The following MTA3 variants were observed in gnomAD, a reference collection of about 807,000 sequenced individuals.
The protein encoded by MTA3 is metastasis associated 1 family member 3, also known as metastasis-associated protein MTA3.
In MTA3, 34 loss-of-function variants were observed where a neutral mutation model predicts 83.5. The ratio of observed to expected loss-of-function variants is 0.41; its 90% CI spans 0.31 to 0.54. The LOEUF (loss-of-function observed/expected upper bound fraction) is 0.54. MTA3 is among the 20% of genes least tolerant of loss of function. MTA3 has a pLI of 0.33. For missense variants in MTA3, 761 were observed against 726.4 expected, an observed-to-expected ratio of 1.05 and a Z score of -0.55; for synonymous variants, 303 against 252.7, an observed-to-expected ratio of 1.20 and a Z score of -1.89.
chr2:42,743,277 G>A (rs944239780), intron 16 of MTA3, among the ~76,000 whole-genome samples: 1 of 152,220 alleles, frequency 6.6e-6, no homozygotes, highest in Non-Finnish European at 1.5e-5. Flanking sequence ...CAGGGACAAG[G>A]CGATTGCCTG....
intron 2 of MTA3, among the ~76,000 whole-genome samples, chr2:42,549,312 TATATA>T (rs1387656804): frequency 8.9e-6 from 1 of 112,448 alleles, no homozygotes; most frequent in African/African-American, 3.4e-5. Flanking sequence ...ACGTATATAA[TATATA>T]ATATATTATA....
chr2:42,719,463 A>G (rs992738676), intron 15 of MTA3, among the ~76,000 whole-genome samples: 2 of 152,228 alleles, frequency 1.3e-5, no homozygotes, highest in South Asian at 4.1e-4. Context: ...TTTAAATAGA[A>G]GATTTATTTA....
rs35602598 is a variant in MTA3, at chr2:42,701,291, C to CAAAA, written c.1026-2885_1026-2882dup. Among the ~76,000 whole-genome samples the CAAAA allele has an allele frequency of 6.4e-3, 447 of 69,746 alleles. 10 individuals are homozygous for CAAAA. The highest frequency in any genetic ancestry group is 0.027 in the African/African-American group (421 of 15,504). The allele number at this position is 69,746 out of a possible 152,430, so 45.8% of individuals were successfully genotyped here. A position where few individuals can be genotyped will look rare whatever the true frequency, so the allele number is the denominator to read the frequency against. The stretch of plus-strand genomic sequence containing the variant: ...CACTCCAGCCTGGGTGACCCTGCCT[C>CAAAA]AAAAAAAAAAAAAAAAAAAAATTAA... On this transcript the variant is annotated intron_variant, in intron 11 of 16. Transcript: ENST00000405094.
In MTA3 at chr2:42,656,295, G is replaced by T. The variant is rs778557658; in HGVS notation, c.595G>T (p.Val199Leu). 1.2e-6 allele frequency: 2 copies of T among 1,610,794 alleles called. No individual in the cohort carries two copies. Among genetic ancestry groups the T allele is most frequent in the Non-Finnish European group, 1.7e-6 (2 of 1,177,312 alleles). The change falls in exon 7 of 17, where the codon GTA (valine) becomes TTA (leucine). Residue 199 changes from valine to leucine, a missense_variant. Coordinates refer to ENST00000405094, the MANE Select transcript of MTA3 (RefSeq NM_001330442.2). ...TDRQIDQFLV[V>L]ARAVGTFARA... Reference sequence around the variant, plus strand: ...TCGACAGATTGACCAGTTTTTAGTTGTAGCACGGTGAGTATGAGTATGGCA... The same window carrying T: ...TCGACAGATTGACCAGTTTTTAGTTTTAGCACGGTGAGTATGAGTATGGCA...
chr2:42,687,387 C>T (rs893176299), intron 9 of MTA3, among the ~76,000 whole-genome samples: 7 of 152,064 alleles, frequency 4.6e-5, no homozygotes, highest in Admixed American at 1.3e-4. Context: ...ATATATCAGT[C>T]GTTCATTTTC....
At chr2:42,585,673 C>T (rs1026066574) in intron 3 of MTA3, among the ~76,000 whole-genome samples, 2 of 151,710 alleles carry the variant, frequency 1.3e-5, no homozygotes, top group Non-Finnish European at 2.9e-5. Context: ...CGGGTTTCAC[C>T]GTGTTGGCCA....
Position 42,704,286 on chromosome 2 carries a change from C to A in MTA3, c.1118C>A (p.Pro373His). ...GGGACCACGTTCCAGCCTCAGAATC[C>A]TCTCTTAGGGAGAGCCTGTGAGAGC... Reference protein sequence around the residue: ...AVGTTFQPQNPLLGRACESCY... With the variant: ...AVGTTFQPQNHLLGRACESCY... Residue 373 changes from proline (P) to histidine (H), a missense_variant, in exon 12 of 17, where the codon CCT becomes CAT. Pro to His is a moderately conservative substitution (Grantham distance 77, BLOSUM62 -2). Transcript: ENST00000405094. 6.2e-7 allele frequency: 1 copy of A among 1,613,972 alleles called. No individual in the cohort carries two copies. Among genetic ancestry groups the A allele is most frequent in the Non-Finnish European group, 8.5e-7 (1 of 1,179,864 alleles).
chr2:42,574,057 C>G (rs570548951), intron 2 of MTA3, among the ~76,000 whole-genome samples: 1 of 150,044 alleles, frequency 6.7e-6, no homozygotes, highest in Non-Finnish European at 1.5e-5. Context: ...AGGATGGTCT[C>G]GATCTCCTGA....
chr2:42,677,427 C>T (rs6739714), intron 8 of MTA3, among the ~76,000 whole-genome samples: 116,164 of 151,898 alleles, frequency 0.76, 44,998 homozygotes, highest in African/African-American at 0.88. Flanking sequence ...ACTGCAACTT[C>T]CGCCTCCTGG....
chr2:42,604,836 C>A (rs1431018665), intron 3 of MTA3, among the ~76,000 whole-genome samples: 2 of 149,290 alleles, frequency 1.3e-5, no homozygotes. Flanking sequence ...ACATATTGCA[C>A]CGCCCTTAAT....
At chr2:42,539,577 C>CCT (rs1676427787) in intron 2 of MTA3, among the ~76,000 whole-genome samples, 1 of 96,652 alleles carries the variant, frequency 1.0e-5, no homozygotes, top group Admixed American at 1.2e-4. Flanking sequence ...AATTGTAAAG[C>CCT]TTTTTTTTTT....
chr2:42,588,634 AAG>A (rs1340908924), intron 3 of MTA3, among the ~76,000 whole-genome samples: 2 of 152,254 alleles, frequency 1.3e-5, no homozygotes, highest in South Asian at 4.1e-4. Flanking sequence ...GCAAAGTAAA[AAG>A]GTTTTACTGA....
At position 42,581,833 on chromosome 2, in the gene MTA3, C is replaced by G. The variant is rs1026309079; in HGVS notation, c.190+2633C>G. The G allele has an allele frequency of 6.7e-5, 16 of 239,356 alleles. No homozygotes were observed. The Admixed American group carries it at 8.3e-4, about 12-fold the overall frequency. 14.8% of individuals were successfully genotyped at this position (239,356 alleles called of 1,614,324 possible). The stretch of plus-strand genomic sequence containing the variant: ...CCAGGCTGGAGTGCAATGGCACGAT[C>G]TCGGCTCACTGCAACCTCCACCTCC... On this transcript the variant is annotated intron_variant, in intron 3 of 16. Coordinates refer to ENST00000405094, the MANE Select transcript of MTA3 (RefSeq NM_001330442.2).
Position 42,754,790 on chromosome 2 carries a change from C to G in MTA3, c.*1391C>G, listed in dbSNP as rs571292349. ...AATTGAATTGACACCCTGGGAAGCA[C>G]GAGGTAACTTGGTAAGGATAATGAT... is the stretch of plus-strand genomic sequence containing the variant. On this transcript the variant is annotated 3_prime_UTR_variant, in exon 17 of 17. Transcript: ENST00000405094. 8.1e-6 allele frequency: 8 copies of G among 985,346 alleles called. No homozygotes were observed. The African/African-American group carries it at 1.4e-4, about 17-fold the overall frequency. The allele number at this position is 985,346 out of a possible 1,614,324, so 61.0% of individuals were successfully genotyped here. A position where few individuals can be genotyped will look rare whatever the true frequency, so the allele number is the denominator to read the frequency against.
intron 2 of MTA3, among the ~76,000 whole-genome samples, chr2:42,527,581 A>C (rs1675774078): frequency 6.6e-6 from 1 of 152,190 alleles, no homozygotes; most frequent in African/African-American, 2.4e-5. Flanking sequence ...AAGCAAATAC[A>C]GACATTTATC....
At position 42,704,444 on chromosome 2, in the gene MTA3, T is replaced by G. The variant is rs1665889253; in HGVS notation, c.1150+126T>G. 12 of 1,078,778 alleles carry G rather than the reference T, an allele frequency of 1.1e-5. No individual in the cohort carries two copies. The South Asian group carries it at 2.0e-4, about 18-fold the overall frequency. The allele number at this position is 1,078,778 out of a possible 1,614,324, so 66.8% of individuals were successfully genotyped here. A position where few individuals can be genotyped will look rare whatever the true frequency, so the allele number is the denominator to read the frequency against. On this transcript the variant is annotated intron_variant, in intron 12 of 16. Coordinates refer to ENST00000405094, the MANE Select transcript of MTA3 (RefSeq NM_001330442.2). ...AAGGCACAAGCATGTCTCCTCTAAA[T>G]GAGTAGATGCCCCTCCTTACCTTCT...
At chr2:42,605,925 G>A (rs1372228404) in intron 3 of MTA3, among the ~76,000 whole-genome samples, 15 of 70,646 alleles carry the variant, frequency 2.1e-4, no homozygotes, top group East Asian at 9.1e-4. Context: ...CCGGGCAGAG[G>A]CGCCCCTCAC....
intron 2 of MTA3, chr2:42,533,520 C>CTTTTTTTTTTTTTTTTTTTTTTTTTT (rs763768263): frequency 7.8e-6 from 1 of 128,604 alleles, no homozygotes; most frequent in Non-Finnish European, 1.6e-5. Flanking sequence ...CTTTTCTTTT[C>CTTTTTTTTTTTTTTTTTTTTTTTTTT]TTTTTTTTTT....
chr2:42,532,751 TA>T, intron 2 of MTA3: 4 of 235,082 alleles, frequency 1.7e-5, no homozygotes, highest in East Asian at 1.1e-4. Flanking sequence ...TTTTTTTTTT[TA>T]AACACCTATT....
Sources: gnomAD v4.1 joint callset for allele counts (sites outside exome capture counted in the v4.1 genomes callset) on GRCh38, gnomAD v4.1.1 for gene constraint, MANE v1.5 for transcripts, NCBI Gene and HGNC (gene_info 2026-07-23, HGNC 2026-07-21) for gene names.